EPG5: variants seen among roughly 807,000 people sequenced by gnomAD.
The protein encoded by EPG5 is ectopic P granules protein 5 homolog.
EPG5 carries 159 observed loss-of-function variants against 302.7 expected under a neutral mutation model. The ratio of observed to expected loss-of-function variants is 0.53; its 90% CI spans 0.46 to 0.60. The LOEUF is 0.60. EPG5 is among the 20% of genes least tolerant of loss of function. The pLI is 0.00. For missense variants in EPG5, 2,896 were observed against 3,092.4 expected (o/e 0.94, Z 1.51); for synonymous variants, 1,158 against 1,136.8 (o/e 1.02, Z -0.37).
In EPG5 at chr18:45,857,972, T is replaced by C. The variant is rs984105833; in HGVS notation, c.7323A>G (p.Glu2441=). ...QTEQNDSVLT[E]SVIRILLLVQ... is the part of the protein sequence containing the mutation. ...CCAAGAGCAGAATTCGAATGACAGA[T>C]TCTGTCAGGACGGAGTCATTCTGCT... The change falls in exon 42 of 44, where the codon GAA becomes GAG. Residue 2441 remains glutamate (E), a synonymous_variant. Transcript: ENST00000282041. 5.6e-6 allele frequency: 9 copies of C among 1,613,358 alleles called. No homozygotes were observed. In the African/African-American group the frequency reaches 1.1e-4, roughly 19 times the overall value.
intron 30 of EPG5, among the ~76,000 whole-genome samples, chr18:45,883,122 C>T (rs1196576750): frequency 6.6e-6 from 1 of 150,752 alleles, no homozygotes; most frequent in Non-Finnish European, 1.5e-5. Context: ...GTGTGCTTTT[C>T]TTGCAATTTA....
At chr18:45,846,358 T>C (rs531814024), downstream of EPG5, among the ~76,000 whole-genome samples, 79 of 151,750 alleles carry the variant, frequency 5.2e-4, no homozygotes, top group African/African-American at 1.8e-3. Flanking sequence ...CCGCCTCTAC[T>C]AGAAATACAA....
chr18:45,925,988 TA>T (rs1271508869), intron 13 of EPG5, 86 bp from the exon 14 acceptor site: 4 of 901,180 alleles, frequency 4.4e-6, no homozygotes, highest in African/African-American at 1.7e-5. Flanking sequence ...AAACTGCTTG[TA>T]AAAAAATTTC....
intron 35 of EPG5, among the ~76,000 whole-genome samples, chr18:45,874,284 T>C (rs1294339193): frequency 6.6e-6 from 1 of 152,152 alleles, no homozygotes; most frequent in African/African-American, 2.4e-5. Flanking sequence ...GGAATTCTTG[T>C]ACTTTCCACT....
intron 9 of EPG5, 151 bp from the exon 10 acceptor site, chr18:45,939,906 G>A (rs1007384236): frequency 2.6e-5 from 18 of 696,880 alleles, no homozygotes; most frequent in Non-Finnish European, 3.7e-5. Context: ...AATGAAATGG[G>A]GAAAATAAAA....
At chr18:45,815,628 A>G in the EPG5 span, among the ~76,000 whole-genome samples, 2 of 152,346 alleles carry the variant, frequency 1.3e-5, no homozygotes, top group East Asian at 3.9e-4. Context: ...AACATTGCTG[A>G]AAGAAACCAT....
chr18:45,887,166 T>C (rs1000749111), intron 29 of EPG5, among the ~76,000 whole-genome samples: 10 of 152,188 alleles, frequency 6.6e-5, no homozygotes, highest in African/African-American at 2.4e-4. Context: ...ATCTGTATGA[T>C]TACCCTTACC....
the EPG5 span, among the ~76,000 whole-genome samples, chr18:45,827,478 G>T: frequency 6.6e-6 from 1 of 152,214 alleles, no homozygotes; most frequent in Non-Finnish European, 1.5e-5. Context: ...CTGAGACAGT[G>T]GCCAGACCCA....
intron 30 of EPG5, among the ~76,000 whole-genome samples, chr18:45,884,006 G>C (rs1015943902): frequency 4.6e-5 from 7 of 151,810 alleles, no homozygotes; most frequent in Non-Finnish European, 7.4e-5. Context: ...AAATATGAGA[G>C]AGACTAACAA....
At chr18:45,845,314 G>C (rs953757481), downstream of EPG5, among the ~76,000 whole-genome samples, 1 of 152,234 alleles carries the variant, frequency 6.6e-6, no homozygotes, top group African/African-American at 2.4e-5. Flanking sequence ...AGAGGCTGTG[G>C]GAAGCATGTT....
chr18:45,881,310 T>C (rs1048270570), intron 31 of EPG5, among the ~76,000 whole-genome samples: 4 of 152,216 alleles, frequency 2.6e-5, no homozygotes, highest in Non-Finnish European at 4.4e-5. Flanking sequence ...CTTTAAAAGC[T>C]TAGAGAAAAA....
the EPG5 span, among the ~76,000 whole-genome samples, chr18:45,832,423 A>G: frequency 7.5e-6 from 1 of 132,948 alleles, no homozygotes; most frequent in Non-Finnish European, 1.6e-5. Context: ...GTGCTTGATA[A>G]AAGTCTGATG....
intron 27 of EPG5, among the ~76,000 whole-genome samples, chr18:45,890,505 G>A (rs1222371161): frequency 6.6e-6 from 1 of 152,100 alleles, no homozygotes; most frequent in East Asian, 1.9e-4. Context: ...TAGGTTCCTA[G>A]AAGCTGGTCT....
intron 9 of EPG5, 97 bp from the exon 10 acceptor site, chr18:45,939,852 T>C (rs1401550245): frequency 8.8e-7 from 1 of 1,133,094 alleles, no homozygotes; most frequent in African/African-American, 1.5e-5. Flanking sequence ...CACATATTTA[T>C]TGAGCACCTA....
chr18:45,876,270 A>C lies in EPG5; in HGVS notation c.6015T>G (p.Thr2005=). 6.2e-7 allele frequency: 1 copy of C among 1,614,046 alleles called. No homozygotes were observed. The highest frequency in any genetic ancestry group is 1.1e-5 in the South Asian group (1 of 91,082). ...VVASSIVQLF[T]DCIDSLHESF... ...TCTCATGCAGTGAGTCAATACAGTC[A>C]GTGAACAGCTGCACAATGCTTGAGG... The change falls in exon 35 of 44, where the codon ACT becomes ACG. Residue 2005 remains threonine (T), a synonymous_variant. Transcript: ENST00000282041.
At position 45,951,014 on chromosome 18, in the gene EPG5, G is replaced by T. The variant is rs2050896439; in HGVS notation, c.1389+88C>A. ...ATCAAATAAATTAGCTGAAAAAGTT[G>T]AAGACCAAATGTAATGATATAACAG... On this transcript the variant is annotated intron_variant, in intron 4 of 43. Coordinates refer to ENST00000282041, the MANE Select transcript of EPG5 (RefSeq NM_020964.3). The T allele has an allele frequency of 4.5e-6, 5 of 1,107,632 alleles. No homozygotes were observed. In the Admixed American group the frequency reaches 1.2e-4, roughly 28 times the overall value. The allele number at this position is 1,107,632 out of a possible 1,614,324, so 68.6% of individuals were successfully genotyped here.
rs145998030 is a variant in EPG5 at position 45,949,582 on chromosome 18, G to A, written c.1399C>T (p.Leu467=). The A allele has an allele frequency of 9.2e-3, 14,723 of 1,606,370 alleles. 114 individuals carry two copies. Among genetic ancestry groups the A allele is most frequent in the Middle Eastern group, 0.034 (208 of 6,048 alleles). Residue 467 remains leucine (L), a synonymous_variant, in exon 5 of 44, where the codon CTA becomes TTA. Coordinates refer to ENST00000282041, the MANE Select transcript of EPG5 (RefSeq NM_020964.3). ...LLWLQKLVSV[L]QRVGCPGDHL... ...TCTCCAGGACAGCCAACTCTTTGTA[G>A]CACGGATACCTGAACAATAAAGGTC...
intron 27 of EPG5, among the ~76,000 whole-genome samples, chr18:45,892,956 T>C (rs1011061578): frequency 6.6e-6 from 1 of 152,172 alleles, no homozygotes; most frequent in Non-Finnish European, 1.5e-5. Flanking sequence ...TCACAAATTC[T>C]CTAATCACTG....
intron 36 of EPG5, chr18:45,867,968 C>T: frequency 3.1e-6 from 2 of 638,144 alleles, no homozygotes; most frequent in Non-Finnish European, 2.9e-6. Flanking sequence ...CAGATTTCAG[C>T]ATTTATTCCA....
Sources: gnomAD v4.1 joint callset for allele counts (sites outside exome capture counted in the v4.1 genomes callset) on GRCh38, gnomAD v4.1.1 for gene constraint, MANE v1.5 for transcripts, NCBI Gene and HGNC (gene_info 2026-07-23, HGNC 2026-07-21) for gene names.